The following ADGRG7 variants were observed in gnomAD, a reference collection of about 807,000 sequenced individuals.
The protein encoded by ADGRG7 is adhesion G protein-coupled receptor G7.
ADGRG7 carries 82 observed loss-of-function variants against 88.6 expected under a neutral mutation model. The observed-to-expected ratio is 0.93, with a 90% CI of 0.77 to 1.11. The LOEUF (loss-of-function observed/expected upper bound fraction) is 1.11, where lower values mean the gene tolerates loss of function less well. Among genes scored for constraint, ADGRG7 ranks in the 50% most tolerant of loss-of-function variants. The probability of loss-of-function intolerance (pLI) is 0.00; values close to 1 mark genes in which losing one functional copy is unlikely to be tolerated. For synonymous variants in ADGRG7, 381 were observed against 345.2 expected (o/e 1.10, Z -1.15); for missense variants, 945 against 953.4 (o/e 0.99, Z 0.12).
chr3:100,665,056 G>A, intron 14 of ADGRG7: 2 of 485,120 alleles, frequency 4.1e-6, no homozygotes, highest in East Asian at 1.2e-4. Flanking sequence ...CACATTAGTG[G>A]AAAAATCCAA....
At chr3:100,618,295 C>A (rs568265263) in intron 1 of ADGRG7, among the ~76,000 whole-genome samples, 7 of 152,238 alleles carry the variant, frequency 4.6e-5, no homozygotes, top group Admixed American at 4.6e-4. Context: ...CTTGCCCATG[C>A]CTATGTCCTG....
intron 1 of ADGRG7, among the ~76,000 whole-genome samples, chr3:100,628,432 C>A (rs2149016262): frequency 6.6e-6 from 1 of 151,476 alleles, no homozygotes; most frequent in Middle Eastern, 3.4e-3. Flanking sequence ...GATCTCAACT[C>A]ACTGCAACCT....
At chr3:100,617,051 A>G (rs1365552082) in intron 1 of ADGRG7, among the ~76,000 whole-genome samples, 5 of 152,244 alleles carry the variant, frequency 3.3e-5, no homozygotes, top group African/African-American at 1.2e-4. Context: ...AGAAGTAATA[A>G]CTAAAAAGTT....
At chr3:100,615,767 G>A (rs1707216076) in intron 1 of ADGRG7, among the ~76,000 whole-genome samples, 3 of 152,128 alleles carry the variant, frequency 2.0e-5, no homozygotes, top group African/African-American at 7.2e-5. Flanking sequence ...ACAAGTGGCA[G>A]AAATAAAGAG....
intron 11 of ADGRG7, among the ~76,000 whole-genome samples, chr3:100,653,613 A>G (rs889321130): frequency 2.0e-5 from 3 of 152,186 alleles, no homozygotes; most frequent in Non-Finnish European, 2.9e-5. Flanking sequence ...ATAGAAACAC[A>G]TATTATTTCT....
At chr3:100,611,420 T>C (rs915913140) in intron 1 of ADGRG7, among the ~76,000 whole-genome samples, 4 of 152,024 alleles carry the variant, frequency 2.6e-5, no homozygotes, top group Non-Finnish European at 5.9e-5. Context: ...GACACAGTTA[T>C]AGCAAAACCA....
At position 100,694,903 on chromosome 3, in the gene ADGRG7, T is replaced by C; in HGVS notation, c.2296T>C (p.Leu766=). The change falls in exon 16 of 16, where the codon TTG becomes CTG. Residue 766 remains leucine, a synonymous_variant. Transcript: ENST00000273352. ...RVKMYNFLRS[L]PTLHERFRLL... Reference sequence around the variant, plus strand: ...AAAGATGTATAATTTCCTCAGGTCATTGCCAACCTTACATGAACGCTTTAG... The same window carrying C: ...AAAGATGTATAATTTCCTCAGGTCACTGCCAACCTTACATGAACGCTTTAG... 1 of 1,614,174 alleles carries C rather than the reference T, an allele frequency of 6.2e-7. No homozygotes were observed. The highest frequency in any genetic ancestry group is 1.7e-5 in the Admixed American group (1 of 60,026).
chr3:100,648,231 C>G (rs1340503476), intron 10 of ADGRG7, among the ~76,000 whole-genome samples: 3 of 152,122 alleles, frequency 2.0e-5, no homozygotes, highest in Admixed American at 1.3e-4. Context: ...TCATTAGTAT[C>G]TGACTGTCTC....
intron 15 of ADGRG7, among the ~76,000 whole-genome samples, chr3:100,686,643 C>T (rs1305981650): frequency 1.3e-5 from 2 of 152,140 alleles, no homozygotes; most frequent in African/African-American, 2.4e-5. Context: ...ATCCTTTCCC[C>T]ATTACTTGTT....
chr3:100,623,649 C>T (rs1165259), intron 1 of ADGRG7, among the ~76,000 whole-genome samples: 1 of 152,128 alleles, frequency 6.6e-6, no homozygotes, highest in Non-Finnish European at 1.5e-5. Context: ...TTATCATGTA[C>T]GTTTTAAGCC....
intron 4 of ADGRG7, among the ~76,000 whole-genome samples, chr3:100,634,939 G>A (rs1407105447): frequency 6.6e-6 from 1 of 152,082 alleles, no homozygotes; most frequent in Non-Finnish European, 1.5e-5. Flanking sequence ...TTACCCAAGT[G>A]TGAATAGCCT....
At chr3:100,653,920 C>A (rs1402195503) in intron 11 of ADGRG7, among the ~76,000 whole-genome samples, 1 of 152,028 alleles carries the variant, frequency 6.6e-6, no homozygotes, top group African/African-American at 2.4e-5. Context: ...GGGTTCTTGT[C>A]ACGCGACTAT....
chr3:100,627,813 C>T (rs115566786), intron 1 of ADGRG7, among the ~76,000 whole-genome samples: 1 of 152,080 alleles, frequency 6.6e-6, no homozygotes, highest in Non-Finnish European at 1.5e-5. Flanking sequence ...GATCTATAAG[C>T]TGAAGTTCTT....
chr3:100,624,510 A>T (rs903121906), intron 1 of ADGRG7, among the ~76,000 whole-genome samples: 8 of 152,020 alleles, frequency 5.3e-5, no homozygotes, highest in Admixed American at 3.3e-4. Flanking sequence ...ATAACAGTTT[A>T]TTTTGCTGTG....
chr3:100,635,755 G>A lies in ADGRG7; in HGVS notation c.526G>A (p.Ala176Thr), dbSNP rs373966742. Residue 176 changes from alanine (A) to threonine (T), a missense_variant, in exon 5 of 16, where the codon GCT (alanine) becomes ACT (threonine). By Grantham distance (58) the Ala-to-Thr change is moderately conservative. Coordinates refer to ENST00000273352, the MANE Select transcript of ADGRG7 (RefSeq NM_032787.3). Reference protein sequence around the residue: ...ILTSDANKLTAENITSATRVV... With the variant: ...ILTSDANKLTTENITSATRVV... The stretch of plus-strand genomic sequence containing the variant: ...AACATCTGATGCCAATAAATTAACT[G>A]CTGAGAACATCACTAGTGCTACGCG... 1 of 1,613,750 alleles carries A rather than the reference G, an allele frequency of 6.2e-7. No homozygotes were observed. The highest frequency in any genetic ancestry group is 8.5e-7 in the Non-Finnish European group (1 of 1,179,876).
chr3:100,630,769 T>C lies in ADGRG7; in HGVS notation c.294T>C (p.Tyr98=). 2 of 1,486,172 alleles carry C rather than the reference T, an allele frequency of 1.3e-6. No individual in the cohort carries two copies. The highest frequency in any genetic ancestry group is 2.9e-5 in the African/African-American group (2 of 69,074). The allele number at this position is 1,486,172 out of a possible 1,614,324, so 92.1% of individuals were successfully genotyped here. A position where few individuals can be genotyped will look rare whatever the true frequency, so the allele number is the denominator to read the frequency against. ...TTGCCAGAATCCCAGTGGGCAGATATGGACCATCCTTGCAAACATGTGGCA... is the reference window on the plus strand; with the variant it reads ...TTGCCAGAATCCCAGTGGGCAGATACGGACCATCCTTGCAAACATGTGGCA... ...FTFARIPVGR[Y]GPSLQTCGKD... is the part of the protein sequence containing the mutation. Residue 98 remains tyrosine, a synonymous_variant, in exon 3 of 16, where the codon TAT becomes TAC. Transcript: ENST00000273352.
intron 15 of ADGRG7, among the ~76,000 whole-genome samples, chr3:100,670,217 A>AT (rs2094956712): frequency 2.0e-5 from 3 of 152,032 alleles, no homozygotes; most frequent in South Asian, 4.2e-4. Context: ...CAGGATTTCA[A>AT]TTTTTTAAAC....
At position 100,695,144 on chromosome 3, in the gene ADGRG7, A is replaced by T; in HGVS notation, c.*143A>T. ...AAGAATTAGATAAAACCTGTTGTTT[A>T]TTATTATTCGGCATAATGGACTTGG... is the stretch of plus-strand genomic sequence containing the variant. On this transcript the variant is annotated 3_prime_UTR_variant, in exon 16 of 16. Transcript: ENST00000273352. The T allele has an allele frequency of 3.7e-6, 3 of 813,776 alleles. No individual in the cohort carries two copies. Among genetic ancestry groups the T allele is most frequent in the Non-Finnish European group, 5.7e-6 (3 of 526,880 alleles). 50.4% of individuals were successfully genotyped at this position (813,776 alleles called of 1,614,324 possible). A position where few individuals can be genotyped will look rare whatever the true frequency, so the allele number is the denominator to read the frequency against.
rs944215216 is a variant in ADGRG7 at position 100,636,985 on chromosome 3, C to A, written c.598-317C>A. 2.0e-5 allele frequency among the ~76,000 whole-genome samples: 3 copies of A among 152,082 alleles called. No individual in the cohort carries two copies. The South Asian group carries it at 6.2e-4, about 32-fold the overall frequency. ...TTGCACTCTTCTTATTTTGTTTCTG[C>A]TTTTGAATCCAAGCATTTGATTTTG... On this transcript the variant is annotated intron_variant, in intron 5 of 15. Coordinates refer to ENST00000273352, the MANE Select transcript of ADGRG7 (RefSeq NM_032787.3).
Sources: gnomAD v4.1 joint callset for allele counts (sites outside exome capture counted in the v4.1 genomes callset) on GRCh38, gnomAD v4.1.1 for gene constraint, MANE v1.5 for transcripts, NCBI Gene and HGNC (gene_info 2026-07-23, HGNC 2026-07-21) for gene names.